The following KLRG2 variants were observed in gnomAD, a reference collection of about 807,000 sequenced individuals.
KLRG2 encodes the protein killer cell lectin like receptor G2.
In KLRG2, 39 loss-of-function variants were observed where a neutral mutation model predicts 35.4. The ratio of observed to expected loss-of-function variants is 1.10; its 90% CI spans 0.85 to 1.44. KLRG2 has a LOEUF of 1.44. KLRG2 is among the 40% of genes most tolerant of loss of function. The probability of loss-of-function intolerance (pLI) is 0.00; values close to 1 mark genes in which losing one functional copy is unlikely to be tolerated. For synonymous variants in KLRG2, 283 were observed against 265.8 expected, an observed-to-expected ratio of 1.06 and a Z score of -0.63; for missense variants, 632 against 570.9, an observed-to-expected ratio of 1.11 and a Z score of -1.09.
At chr7:139,478,056 C>T (rs901890319) in intron 3 of KLRG2, among the ~76,000 whole-genome samples, 8 of 149,344 alleles carry the variant, frequency 5.4e-5, no homozygotes, top group Admixed American at 6.6e-5. Flanking sequence ...CTGTGCCCGG[C>T]CCACAATTTT....
the KLRG2 span, among the ~76,000 whole-genome samples, chr7:139,445,089 T>C: frequency 6.6e-6 from 1 of 151,988 alleles, no homozygotes; most frequent in Non-Finnish European, 1.5e-5. Flanking sequence ...CTATTTTTTT[T>C]TTTTTTCGAG....
chr7:139,483,202 G>A lies in KLRG2; in HGVS notation c.441C>T (p.Ser147=). The change falls in exon 1 of 5, where the codon TCC becomes TCT. Residue 147 remains serine (S), a synonymous_variant. Transcript: ENST00000340940. The part of the protein sequence containing the change: ...GGSSTPSPRP[S]TRFLKVPVPE... ...GCACCGGCACCTTGAGGAAGCGCGT[G>A]GAGGGCCTGGGCGATGGCGTGCTGC... The A allele has an allele frequency of 6.6e-7, 1 of 1,519,514 alleles. No homozygotes were observed. The highest frequency in any genetic ancestry group is 8.7e-7 in the Non-Finnish European group (1 of 1,142,916). 94.1% of individuals were successfully genotyped at this position (1,519,514 alleles called of 1,614,324 possible).
intron 3 of KLRG2, 83 bp from the exon 4 acceptor site, chr7:139,454,297 A>G (rs1796422980): frequency 2.8e-6 from 2 of 714,224 alleles, no homozygotes; most frequent in Admixed American, 2.6e-5. Flanking sequence ...GGGCTTCCAC[A>G]GGATCCCAGC....
intron 3 of KLRG2, among the ~76,000 whole-genome samples, chr7:139,458,984 C>A (rs1220153712): frequency 6.6e-6 from 1 of 152,214 alleles, no homozygotes. Context: ...GTCCAGAACT[C>A]AGGAAAATTC....
At chr7:139,472,372 A>G (rs1796771840) in intron 3 of KLRG2, among the ~76,000 whole-genome samples, 1 of 151,856 alleles carries the variant, frequency 6.6e-6, no homozygotes, top group African/African-American at 2.4e-5. Context: ...GCCTTCAATG[A>G]TTTAAACTCA....
the KLRG2 span, among the ~76,000 whole-genome samples, chr7:139,428,897 CAT>C: frequency 5.3e-5 from 8 of 152,274 alleles, no homozygotes; most frequent in Admixed American, 1.3e-4. Context: ...TTGATAAACA[CAT>C]AAAGAGCGGG....
chr7:139,474,684 C>A (rs113273016), intron 3 of KLRG2, among the ~76,000 whole-genome samples: 1 of 152,100 alleles, frequency 6.6e-6, no homozygotes, highest in Non-Finnish European at 1.5e-5. Flanking sequence ...TTGCTTGAAT[C>A]CAGGAGGTGG....
At chr7:139,467,505 G>A (rs1333093509) in intron 3 of KLRG2, among the ~76,000 whole-genome samples, 1 of 152,042 alleles carries the variant, frequency 6.6e-6, no homozygotes, top group Non-Finnish European at 1.5e-5. Context: ...AAATTCTTCT[G>A]CCTTGGTATG....
At chr7:139,476,316 A>C (rs551242418) in intron 3 of KLRG2, among the ~76,000 whole-genome samples, 1 of 152,270 alleles carries the variant, frequency 6.6e-6, no homozygotes, top group East Asian at 1.9e-4. Context: ...GGGAGGCAAA[A>C]GGCATACTGA....
rs769449316 is a variant in KLRG2 at position 139,483,549 on chromosome 7, G to A, written c.94C>T (p.Pro32Ser). The A allele has an allele frequency of 6.3e-7, 1 of 1,599,210 alleles. No individual in the cohort carries two copies. Among genetic ancestry groups the A allele is most frequent in the South Asian group, 1.1e-5 (1 of 90,612 alleles). ...VGSLVPTLEQPQVPAKVRQPE... is the reference protein window; with the variant it reads ...VGSLVPTLEQSQVPAKVRQPE... Reference sequence around the variant, plus strand: ...TGTCGCACCTTCGCGGGCACCTGCGGCTGCTCCAGCGTGGGGACCAGGCTT... The same window carrying A: ...TGTCGCACCTTCGCGGGCACCTGCGACTGCTCCAGCGTGGGGACCAGGCTT... Residue 32 changes from proline to serine, a missense_variant, in exon 1 of 5, where the codon CCG becomes TCG. Physicochemically the swap from Pro to Ser is moderately conservative, Grantham distance 74. Coordinates refer to ENST00000340940, the MANE Select transcript of KLRG2 (RefSeq NM_198508.4).
rs1182692676 is a variant in KLRG2 at position 139,483,086 on chromosome 7, G to A, written c.557C>T (p.Ser186Leu). ...CTCCGTCCGGGCTGCAGCCAGCGGC[G>A]AGCGGCGGCCCCACGTGCCGCCCTG... Reference protein sequence around the residue: ...PSQGGTWGRRSPLAAARTESG... With the variant: ...PSQGGTWGRRLPLAAARTESG... Residue 186 changes from serine (S) to leucine (L), a missense_variant, in exon 1 of 5, where the codon TCG becomes TTG. Transcript: ENST00000340940. 7.0e-7 allele frequency: 1 copy of A among 1,424,868 alleles called. No individual in the cohort carries two copies. The highest frequency in any genetic ancestry group is 1.5e-5 in the South Asian group (1 of 68,024). 88.3% of individuals were successfully genotyped at this position (1,424,868 alleles called of 1,614,324 possible).
At chr7:139,472,179 T>A (rs1351847186) in intron 3 of KLRG2, among the ~76,000 whole-genome samples, 1 of 151,886 alleles carries the variant, frequency 6.6e-6, no homozygotes, top group Non-Finnish European at 1.5e-5. Flanking sequence ...CAACAAAACG[T>A]CATGCATGCA....
the KLRG2 span, among the ~76,000 whole-genome samples, chr7:139,438,018 A>G: frequency 6.6e-6 from 1 of 152,168 alleles, no homozygotes; most frequent in Non-Finnish European, 1.5e-5. Flanking sequence ...CTAGGCCTCA[A>G]AAGGCCTGCG....
downstream of KLRG2, among the ~76,000 whole-genome samples, chr7:139,450,105 T>C (rs571942396): frequency 8.6e-5 from 13 of 150,902 alleles, no homozygotes; most frequent in African/African-American, 3.2e-4. Context: ...TGCAGTGTTG[T>C]AATCTTGCCT....
At chr7:139,482,761 G>T in intron 1 of KLRG2, 125 bp downstream of exon 1, 1 of 815,396 alleles carries the variant, frequency 1.2e-6, no homozygotes, top group Non-Finnish European at 1.7e-6. Context: ...GTTGGGGATC[G>T]GGATGGCCAA....
rs1212163571 is a variant in KLRG2 at position 139,453,140 on chromosome 7, A to C, written c.*447T>G. 2 of 227,322 alleles carry C rather than the reference A, an allele frequency of 8.8e-6. No individual in the cohort carries two copies. Among genetic ancestry groups the C allele is most frequent in the African/African-American group, 4.6e-5 (2 of 43,956 alleles). 14.1% of individuals were successfully genotyped at this position (227,322 alleles called of 1,614,324 possible). A position where few individuals can be genotyped will look rare whatever the true frequency, so the allele number is the denominator to read the frequency against. ...ATGTACACCCAGCTGCCTGAAGTAG[A>C]ATTCACAGCAATGACGTTATCCCTG... On this transcript the variant is annotated 3_prime_UTR_variant, in exon 5 of 5. Coordinates refer to ENST00000340940, the MANE Select transcript of KLRG2 (RefSeq NM_198508.4).
intron 3 of KLRG2, among the ~76,000 whole-genome samples, chr7:139,477,646 T>C (rs542889567): frequency 3.9e-5 from 6 of 152,090 alleles, no homozygotes; most frequent in African/African-American, 1.4e-4. Context: ...ACGAAAAGAG[T>C]TCAGGAGATG....
intron 3 of KLRG2, among the ~76,000 whole-genome samples, chr7:139,461,822 C>T (rs1796574456): frequency 6.6e-6 from 1 of 152,172 alleles, no homozygotes; most frequent in African/African-American, 2.4e-5. Context: ...ATTGCTCACA[C>T]AAAGCCTGTT....
downstream of KLRG2, among the ~76,000 whole-genome samples, chr7:139,447,833 T>C (rs1394107247): frequency 1.3e-5 from 2 of 152,188 alleles, no homozygotes; most frequent in Non-Finnish European, 2.9e-5. Context: ...AGCTGCCTGC[T>C]GCCACCTGAA....
Sources: allele counts gnomAD v4.1 joint callset (sites outside exome capture counted in the v4.1 genomes callset), GRCh38; gene constraint gnomAD v4.1.1; transcripts MANE v1.5; gene names NCBI Gene and HGNC (gene_info 2026-07-23, HGNC 2026-07-21).